Variants in RANBP17 observed in about 807,000 individuals in gnomAD.
RANBP17 encodes the protein RAN binding protein 17.
In RANBP17, 158 loss-of-function variants were observed where a neutral mutation model predicts 141.2. The observed-to-expected ratio is 1.12, with a 90% CI of 0.98 to 1.28. The LOEUF is 1.28. Ranked by LOEUF, RANBP17 falls within the 50% of genes most tolerant of loss-of-function variation. RANBP17 has a pLI of 0.00. For missense variants in RANBP17, 1,438 were observed against 1,290.7 expected, an observed-to-expected ratio of 1.11 and a Z score of -1.75; for synonymous variants, 430 against 450.0, an observed-to-expected ratio of 0.96 and a Z score of 0.56.
intron 22 of RANBP17, among the ~76,000 whole-genome samples, chr5:171,236,408 C>T (rs920739931): frequency 5.9e-5 from 9 of 152,178 alleles, no homozygotes; most frequent in African/African-American, 1.4e-4. Flanking sequence ...TATTTTGAGG[C>T]GTAGCAAATT....
chr5:171,115,531 T>C (rs1048613728), intron 14 of RANBP17, among the ~76,000 whole-genome samples: 2 of 152,220 alleles, frequency 1.3e-5, no homozygotes, highest in African/African-American at 4.8e-5. Context: ...CATGTAGGTA[T>C]AGATTTTAAA....
Position 170,983,145 on chromosome 5 carries a change from A to C in RANBP17, c.1710+14768A>C, listed in dbSNP as rs1321537406. On this transcript the variant is annotated intron_variant, in intron 14 of 27. Coordinates refer to ENST00000523189, the MANE Select transcript of RANBP17 (RefSeq NM_022897.5). ...AAGAAGGGAGAGATGGGATCTGAGA[A>C]TCAGAGGATCAAACACAGGAGAGAG... 9.7e-6 allele frequency: 5 copies of C among 514,040 alleles called. No homozygotes were observed. The East Asian group carries it at 1.6e-4, about 17-fold the overall frequency. The allele number at this position is 514,040 out of a possible 1,614,324, so 31.8% of individuals were successfully genotyped here.
intron 12 of RANBP17, among the ~76,000 whole-genome samples, chr5:170,938,059 C>A (rs1412223961): frequency 6.6e-6 from 1 of 152,144 alleles, no homozygotes; most frequent in Non-Finnish European, 1.5e-5. Flanking sequence ...TCTCTGACCT[C>A]CTCCCTCCCA....
chr5:170,998,490 C>G (rs184739741), intron 14 of RANBP17, among the ~76,000 whole-genome samples: 1 of 152,232 alleles, frequency 6.6e-6, no homozygotes, highest in Non-Finnish European at 1.5e-5. Flanking sequence ...TTTAAATGTG[C>G]ACAATATTCC....
intron 14 of RANBP17, among the ~76,000 whole-genome samples, chr5:171,151,831 C>CT (rs1043577252): frequency 8.5e-5 from 13 of 152,172 alleles, no homozygotes; most frequent in Non-Finnish European, 1.9e-4. Context: ...CCAAACCTAA[C>CT]TACCTTTCTT....
chr5:171,210,592 C>T (rs1473510721), intron 20 of RANBP17, among the ~76,000 whole-genome samples: 1 of 152,046 alleles, frequency 6.6e-6, no homozygotes, highest in Non-Finnish European at 1.5e-5. Context: ...TCAGGAGGTC[C>T]CTTGGTGGAA....
rs183652139 is a variant in RANBP17, at chr5:171,077,066, G to A, written c.1711-93064G>A. Reference sequence around the variant, plus strand: ...AAAAAAGGTGTACAACATGCCGGGCGCATTGACTCACCCCTGTAATCCCAG... The same window carrying A: ...AAAAAAGGTGTACAACATGCCGGGCACATTGACTCACCCCTGTAATCCCAG... On this transcript the variant is annotated intron_variant, in intron 14 of 27. Coordinates refer to ENST00000523189, the MANE Select transcript of RANBP17 (RefSeq NM_022897.5). Among the ~76,000 whole-genome samples, 321 of 152,230 alleles carry A rather than the reference G, an allele frequency of 2.1e-3. 3 individuals carry two copies. The highest frequency in any genetic ancestry group is 2.4e-3 in the Non-Finnish European group (165 of 68,008).
intron 14 of RANBP17, among the ~76,000 whole-genome samples, chr5:171,128,497 C>G (rs917212521): frequency 2.6e-5 from 4 of 151,950 alleles, no homozygotes; most frequent in African/African-American, 9.7e-5. Flanking sequence ...ATGATGGCTA[C>G]CAGAGGCTGC....
rs148182576 is a variant in RANBP17, at chr5:170,987,921, CTT to C, written c.1710+19547_1710+19548del. On this transcript the variant is annotated intron_variant, in intron 14 of 27. Transcript: ENST00000523189. ...GCTTAGTTTTTTTTTAATAAGCTGA[CTT>C]TTACTATTTATTTATCATACCAAAT... 9.8e-3 allele frequency among the ~76,000 whole-genome samples: 1,489 copies of C among 151,212 alleles called. 61 individuals carry two copies. The highest frequency in any genetic ancestry group is 0.08 in the East Asian group (410 of 5,156).
chr5:171,249,735 A>C (rs1431994525), intron 24 of RANBP17, among the ~76,000 whole-genome samples: 2 of 152,218 alleles, frequency 1.3e-5, no homozygotes, highest in Non-Finnish European at 2.9e-5. Context: ...TTTGAAAGAA[A>C]AAGAATGAAC....
At chr5:171,188,461 G>C (rs1761414848) in intron 18 of RANBP17, among the ~76,000 whole-genome samples, 1 of 152,182 alleles carries the variant, frequency 6.6e-6, no homozygotes, top group Admixed American at 6.5e-5. Context: ...CAGGCATACT[G>C]GGTCCTGGCC....
chr5:171,017,554 T>G (rs1010711985), intron 14 of RANBP17, among the ~76,000 whole-genome samples: 1 of 152,228 alleles, frequency 6.6e-6, no homozygotes, highest in Admixed American at 6.5e-5. Flanking sequence ...AATGTCTTCT[T>G]TTGAGAAGTG....
rs1037183532 is a variant in RANBP17 at position 171,173,010 on chromosome 5, A to G, written c.1865+1724A>G. On this transcript the variant is annotated intron_variant, in intron 16 of 27. Coordinates refer to ENST00000523189, the MANE Select transcript of RANBP17 (RefSeq NM_022897.5). ...GCCAGGGGATAGGAATGATTTCAAC[A>G]TGGGTACATTGATTTATATTTTTTA... 3.9e-5 allele frequency among the ~76,000 whole-genome samples: 6 copies of G among 152,052 alleles called. No individual in the cohort carries two copies. In the South Asian group the frequency reaches 1.2e-3, roughly 32 times the overall value.
chr5:171,271,075 C>CCTTTTTTTTTTTTTTTTTTTTTTTTTTTT (rs1767076411), intron 25 of RANBP17: 2 of 27,540 alleles, frequency 7.3e-5, no homozygotes, highest in Admixed American at 8.6e-4. Context: ...TATGTTATTT[C>CCTTTTTTTTTTTTTTTTTTTTTTTTTTTT]TTTTTTTTTT....
At chr5:171,269,469 C>T (rs554284273) in intron 25 of RANBP17, among the ~76,000 whole-genome samples, 2 of 152,220 alleles carry the variant, frequency 1.3e-5, no homozygotes, top group East Asian at 3.9e-4. Flanking sequence ...CTGGACAGAA[C>T]TAATAGCCTG....
chr5:170,884,781 T>G (rs1303828901), intron 3 of RANBP17, among the ~76,000 whole-genome samples: 1 of 152,164 alleles, frequency 6.6e-6, no homozygotes, highest in African/African-American at 2.4e-5. Context: ...CTGAAAGAAG[T>G]CTGGAATAAT....
chr5:171,234,960 G>C (rs969323523), intron 22 of RANBP17, among the ~76,000 whole-genome samples: 1 of 152,186 alleles, frequency 6.6e-6, no homozygotes, highest in Non-Finnish European at 1.5e-5. Context: ...CTACAACTAG[G>C]GGTGAGTGTA....
intron 14 of RANBP17, among the ~76,000 whole-genome samples, chr5:171,024,276 G>T (rs1338136587): frequency 6.6e-6 from 1 of 152,130 alleles, no homozygotes; most frequent in Non-Finnish European, 1.5e-5. Context: ...ACATGAAATT[G>T]CTGAGGTGGT....
intron 14 of RANBP17, among the ~76,000 whole-genome samples, chr5:171,045,255 A>G (rs1782505897): frequency 1.3e-5 from 2 of 152,140 alleles, no homozygotes; most frequent in Non-Finnish European, 2.9e-5. Flanking sequence ...ATGGAAATAT[A>G]TGTGTAAATA....
Sources: gnomAD v4.1 joint callset for allele counts (sites outside exome capture counted in the v4.1 genomes callset) on GRCh38, gnomAD v4.1.1 for gene constraint, MANE v1.5 for transcripts, NCBI Gene and HGNC (gene_info 2026-07-23, HGNC 2026-07-21) for gene names.